Variants in IRS1 observed in about 807,000 individuals in gnomAD.
The protein encoded by IRS1 is insulin receptor substrate 1.
A neutral mutation model predicts 65.6 loss-of-function variants in IRS1; 34 were observed. That is an observed-to-expected ratio of 0.52 (90% CI 0.39 to 0.69). The LOEUF (loss-of-function observed/expected upper bound fraction) is 0.69, where lower values mean the gene tolerates loss of function less well. IRS1 is among the 30% of genes least tolerant of loss of function. The pLI is 0.00. For synonymous variants in IRS1, 699 were observed against 683.5 expected, an observed-to-expected ratio of 1.02 and a Z score of -0.35; for missense variants, 1,641 against 1,720.2, an observed-to-expected ratio of 0.95 and a Z score of 0.81.
intron 1 of IRS1, among the ~76,000 whole-genome samples, chr2:226,766,151 A>T (rs1315024431): frequency 0.1 from 417 of 4,084 alleles, 49 homozygotes; most frequent in Middle Eastern, 0.25. Flanking sequence ...ATATATATAT[A>T]TATATATATA....
chr2:226,766,152 TATATATA>T (rs1939039173), intron 1 of IRS1, among the ~76,000 whole-genome samples: 1 of 14,636 alleles, frequency 6.8e-5, no homozygotes, highest in Non-Finnish European at 1.4e-4. Flanking sequence ...TATATATATA[TATATATA>T]TATATTTTTT....
chr2:226,766,524 G>A (rs1939051806), intron 1 of IRS1, among the ~76,000 whole-genome samples: 2 of 151,912 alleles, frequency 1.3e-5, no homozygotes, highest in Admixed American at 1.3e-4. Flanking sequence ...TCTTTGATTT[G>A]TTTCTTCAAC....
At chr2:226,784,443 A>G (rs922007929) in intron 1 of IRS1, among the ~76,000 whole-genome samples, 2 of 151,402 alleles carry the variant, frequency 1.3e-5, no homozygotes, top group Admixed American at 1.3e-4. Flanking sequence ...TATTTTTTAG[A>G]TAGAGTTTCG....
intron 1 of IRS1, among the ~76,000 whole-genome samples, chr2:226,744,457 A>G (rs1446518575): frequency 6.6e-6 from 1 of 152,066 alleles, no homozygotes; most frequent in Non-Finnish European, 1.5e-5. Flanking sequence ...TCAGTAGAAG[A>G]TTTTCCCTAC....
In IRS1 at chr2:226,783,570, CA is replaced by C. The variant is rs533864325; in HGVS notation, c.*21+11418del. On this transcript the variant is annotated intron_variant, in intron 1 of 1. Transcript: ENST00000305123. Reference sequence around the variant, plus strand: ...GGGAATATAAGTGTTTGTGTTTTTCCAAAAAAAGTAGTATGAAGGAAATCAC... The same window carrying C: ...GGGAATATAAGTGTTTGTGTTTTTCCAAAAAAGTAGTATGAAGGAAATCAC... Among the ~76,000 whole-genome samples, 226 of 151,750 alleles carry C rather than the reference CA, an allele frequency of 1.5e-3. 1 individual carries two copies. Among genetic ancestry groups the C allele is most frequent in the African/African-American group, 4.7e-3 (194 of 41,438 alleles).
intron 1 of IRS1, among the ~76,000 whole-genome samples, chr2:226,740,612 G>C (rs564629313): frequency 6.6e-6 from 1 of 152,170 alleles, no homozygotes; most frequent in East Asian, 1.9e-4. Context: ...ATGCATTCTT[G>C]GTCAGAACAA....
At chr2:226,745,156 G>C (rs1324710146) in intron 1 of IRS1, among the ~76,000 whole-genome samples, 1 of 152,172 alleles carries the variant, frequency 6.6e-6, no homozygotes, top group Non-Finnish European at 1.5e-5. Context: ...AATGTAAAAG[G>C]AGCAAGGAAA....
chr2:226,751,484 C>T (rs907747663), intron 1 of IRS1, among the ~76,000 whole-genome samples: 2 of 152,004 alleles, frequency 1.3e-5, no homozygotes, highest in Middle Eastern at 3.4e-3. Flanking sequence ...GGGGTTTCAC[C>T]GTGTTAGCCA....
At position 226,796,916 on chromosome 2, in the gene IRS1, G is replaced by A. The variant is rs104893642; in HGVS notation, c.1823C>T (p.Thr608Met). Reference protein sequence around the residue: ...HHRPDSSTLHTDDGYMPMSPG... With the variant: ...HHRPDSSTLHMDDGYMPMSPG... ...GGACATGGGCATGTAGCCATCATCC[G>A]TGTGGAGGGTGGAGCTGTCTGGGCG... Residue 608 changes from threonine to methionine, a missense_variant, in exon 1 of 2, where the codon ACG becomes ATG. Coordinates refer to ENST00000305123, the MANE Select transcript of IRS1 (RefSeq NM_005544.3). 2.3e-5 allele frequency: 36 copies of A among 1,545,472 alleles called. No individual in the cohort carries two copies. The highest frequency in any genetic ancestry group is 2.7e-5 in the Non-Finnish European group (31 of 1,144,944).
chr2:226,738,901 T>C (rs1938384166), intron 1 of IRS1, among the ~76,000 whole-genome samples: 1 of 152,206 alleles, frequency 6.6e-6, no homozygotes, highest in South Asian at 2.1e-4. Context: ...TTTCATTTCA[T>C]ATCTGGCTCT....
chr2:226,798,685 G>A lies in IRS1; in HGVS notation c.54C>T (p.Tyr18=). The part of the protein sequence containing the change: ...DGFSDVRKVG[Y]LRKPKSMHKR... ...TGTGCATGCTCTTGGGTTTGCGCAG[G>A]TAGCCCACCTTGCGCACGTCCGAGA... The change falls in exon 1 of 2, where the codon TAC becomes TAT. Residue 18 remains tyrosine (Y), a synonymous_variant. Coordinates refer to ENST00000305123, the MANE Select transcript of IRS1 (RefSeq NM_005544.3). This position sits in a 1 kb window ranked among gnomAD's most constrained non-coding sequence, Gnocchi z 9.4. 6.2e-7 allele frequency: 1 copy of A among 1,613,102 alleles called. No individual in the cohort carries two copies. The highest frequency in any genetic ancestry group is 2.2e-5 in the East Asian group (1 of 44,866).
intron 1 of IRS1, among the ~76,000 whole-genome samples, chr2:226,761,921 C>T (rs1425334732): frequency 6.6e-6 from 1 of 152,134 alleles, no homozygotes; most frequent in Non-Finnish European, 1.5e-5. Context: ...TAAACTGTTC[C>T]ATTATTTTTA....
In IRS1 at chr2:226,798,073, G is replaced by A. The variant is rs1231608101; in HGVS notation, c.666C>T (p.Phe222=). The A allele has an allele frequency of 1.9e-6, 3 of 1,614,054 alleles. No homozygotes were observed. The highest frequency in any genetic ancestry group is 1.1e-5 in the South Asian group (1 of 91,084). ...RRCGHSENFF[F]IEVGRSAVTG... ...TCACGGCAGAACGGCCCACCTCGAT[G>A]AAGAAGAAGTTTTCCGAGTGGCCAC... Residue 222 remains phenylalanine (F), a synonymous_variant, in exon 1 of 2, where the codon TTC becomes TTT. Transcript: ENST00000305123. The surrounding 1 kb of genome is among the most constrained non-coding windows in gnomAD (Gnocchi z 9.4).
Position 226,799,239 on chromosome 2 carries a change from A to G in IRS1, c.-501T>C. ...TTGGGCAGGGGGAGGCGGGTTGCCA[A>G]GTCCCAACGTTGCACGGGGTTCTCC... On this transcript the variant is annotated 5_prime_UTR_variant, in exon 1 of 2. Coordinates refer to ENST00000305123, the MANE Select transcript of IRS1 (RefSeq NM_005544.3). The surrounding 1 kb of genome is among the most constrained non-coding windows in gnomAD (Gnocchi z 6.1). The G allele has an allele frequency of 8.9e-7, 1 of 1,118,572 alleles. No homozygotes were observed. Among genetic ancestry groups the G allele is most frequent in the Non-Finnish European group, 1.1e-6 (1 of 897,710 alleles). 69.3% of individuals were successfully genotyped at this position (1,118,572 alleles called of 1,614,324 possible).
chr2:226,792,370 C>G (rs888630157), intron 1 of IRS1: 1 of 151,792 alleles, frequency 6.6e-6, no homozygotes, highest in African/African-American at 2.4e-5. Flanking sequence ...GAGTGGGCCA[C>G]AAGTACTGCG....
chr2:226,795,336 T>G lies in IRS1; in HGVS notation c.3403A>C (p.Ser1135Arg). Reference sequence around the variant, plus strand: ...GAGCTGTGGCGTTTCACATCCTCGCTGCTGCTGCTGCTACCGCCACCGCCC... The same window carrying G: ...GAGCTGTGGCGTTTCACATCCTCGCGGCTGCTGCTGCTACCGCCACCGCCC... ...VGGGGGSSSS[S>R]EDVKRHSSAS... Residue 1135 changes from serine to arginine, a missense_variant, in exon 1 of 2, where the codon AGC (serine) becomes CGC (arginine). Coordinates refer to ENST00000305123, the MANE Select transcript of IRS1 (RefSeq NM_005544.3). 1.2e-6 allele frequency: 2 copies of G among 1,611,832 alleles called. No homozygotes were observed. Among genetic ancestry groups the G allele is most frequent in the South Asian group, 1.1e-5 (1 of 91,072 alleles).
At chr2:226,782,757 T>G (rs760139998) in intron 1 of IRS1, among the ~76,000 whole-genome samples, 26 of 152,226 alleles carry the variant, frequency 1.7e-4, no homozygotes, top group Non-Finnish European at 2.9e-4. Flanking sequence ...TCCCAGCATT[T>G]TGGGAGGCCA....
Position 226,796,627 on chromosome 2 carries a change from C to T in IRS1, c.2112G>A (p.Gly704=). The T allele has an allele frequency of 3.7e-6, 6 of 1,613,932 alleles. No individual in the cohort carries two copies. The highest frequency in any genetic ancestry group is 5.1e-6 in the Non-Finnish European group (6 of 1,179,896). Residue 704 remains glycine (G), a synonymous_variant, in exon 1 of 2, where the codon GGG becomes GGA. Transcript: ENST00000305123. ...GAGGCAAGACATGAGAGTGGTGGCC[C>T]CCTACCCCGTTTGTCCACAGCTTTC... ...SYGKLWTNGV[G]GHHSHVLPHP...
intron 1 of IRS1, among the ~76,000 whole-genome samples, chr2:226,739,892 T>TAATACAATGATA (rs1334586164): frequency 4.6e-5 from 7 of 152,302 alleles, no homozygotes; most frequent in Admixed American, 4.6e-4. Flanking sequence ...TTCAATGCAA[T>TAATACAATGATA]AAGCATAAAT....
Sources: allele counts gnomAD v4.1 joint callset (sites outside exome capture counted in the v4.1 genomes callset), GRCh38; gene constraint gnomAD v4.1.1; non-coding constraint Gnocchi (gnomAD v3.1); transcripts MANE v1.5; gene names NCBI Gene and HGNC (gene_info 2026-07-23, HGNC 2026-07-21).